MED27: variants seen among roughly 807,000 people sequenced by gnomAD.
MED27 encodes mediator of RNA polymerase II transcription subunit 27.
MED27 carries 30 observed loss-of-function variants against 38.2 expected under a neutral mutation model. That is an observed-to-expected ratio of 0.79 (90% CI 0.59 to 1.07). The LOEUF is 1.07. Ranked by LOEUF, MED27 falls within the 50% of genes least tolerant of loss-of-function variation. The pLI, the probability that MED27 is intolerant of heterozygous loss-of-function variation, is 0.00. For missense variants in MED27, 289 were observed against 397.5 expected (o/e 0.73, Z 2.32); for synonymous variants, 122 against 153.5 (o/e 0.79, Z 1.52).
chr9:131,904,619 A>T (rs1057165238), intron 4 of MED27, among the ~76,000 whole-genome samples: 4 of 151,918 alleles, frequency 2.6e-5, no homozygotes, highest in African/African-American at 9.7e-5. Flanking sequence ...TTGACCGCCC[A>T]AAGTGCTGGG....
intron 3 of MED27, among the ~76,000 whole-genome samples, chr9:131,963,177 TAC>T (rs879816883): frequency 6.6e-6 from 1 of 152,186 alleles, no homozygotes; most frequent in Non-Finnish European, 1.5e-5. Context: ...AGTTCATTTT[TAC>T]AGTGTTCAGG....
Position 132,055,644 on chromosome 9 carries a change from AAGAC to A in MED27, c.348+21794_348+21797del, listed in dbSNP as rs146616315. Among the ~76,000 whole-genome samples the A allele has an allele frequency of 2.8e-4, 43 of 152,352 alleles. No individual in the cohort carries two copies. In the East Asian group the frequency reaches 6.6e-3, roughly 23 times the overall value. On this transcript the variant is annotated intron_variant, in intron 2 of 7. Coordinates refer to ENST00000292035, the MANE Select transcript of MED27 (RefSeq NM_004269.4). The stretch of plus-strand genomic sequence containing the variant: ...CTCATAGCACTCATAAGCCACCTCT[AAGAC>A]AGAACATTAGGACAGGTAAAGCATC...
intron 3 of MED27, among the ~76,000 whole-genome samples, chr9:131,994,600 T>C (rs909128022): frequency 6.6e-6 from 1 of 152,236 alleles, no homozygotes; most frequent in Non-Finnish European, 1.5e-5. Context: ...TGGTATCAGA[T>C]GTGGCATCTT....
intron 6 of MED27, chr9:131,868,578 C>T: frequency 1.0e-6 from 1 of 984,812 alleles, no homozygotes; most frequent in Non-Finnish European, 1.2e-6. Context: ...GCCCGGCCCA[C>T]TATTCTGATT....
At chr9:132,013,974 G>C (rs1356517814) in intron 3 of MED27, among the ~76,000 whole-genome samples, 1 of 152,112 alleles carries the variant, frequency 6.6e-6, no homozygotes, top group Non-Finnish European at 1.5e-5. Context: ...GGGAGGCCGA[G>C]GCAGGTGGAT....
intron 3 of MED27, among the ~76,000 whole-genome samples, chr9:131,951,102 C>T (rs930895781): frequency 6.6e-6 from 1 of 152,176 alleles, no homozygotes; most frequent in South Asian, 2.1e-4. Flanking sequence ...CCTTCCTGGG[C>T]GAGGTGCCTC....
At chr9:132,006,634 C>A (rs990006801) in intron 3 of MED27, among the ~76,000 whole-genome samples, 1 of 151,818 alleles carries the variant, frequency 6.6e-6, no homozygotes, top group East Asian at 1.9e-4. Flanking sequence ...GAGTTTTATA[C>A]CTGTATGGCA....
At chr9:132,058,860 C>A (rs535688370) in intron 2 of MED27, among the ~76,000 whole-genome samples, 1 of 152,208 alleles carries the variant, frequency 6.6e-6, no homozygotes, top group Non-Finnish European at 1.5e-5. Flanking sequence ...ATGCATTTTA[C>A]GGTCACAGTG....
intron 2 of MED27, among the ~76,000 whole-genome samples, chr9:132,016,205 C>G (rs143973963): frequency 6.6e-6 from 1 of 152,264 alleles, no homozygotes; most frequent in African/African-American, 2.4e-5. Context: ...GCAAAGACAA[C>G]AAAACCAATT....
intron 6 of MED27, among the ~76,000 whole-genome samples, chr9:131,873,692 G>A (rs1212983953): frequency 6.6e-6 from 1 of 152,182 alleles, no homozygotes; most frequent in Non-Finnish European, 1.5e-5. Flanking sequence ...TGAGACCAGA[G>A]GCAAGGCTGC....
chr9:131,964,177 C>G (rs1457135855), intron 3 of MED27, among the ~76,000 whole-genome samples: 1 of 151,692 alleles, frequency 6.6e-6, no homozygotes, highest in East Asian at 1.9e-4. Context: ...GTAGTTGCAC[C>G]TAGTTCAGAA....
At chr9:131,910,646 T>C (rs1404817199) in intron 4 of MED27, among the ~76,000 whole-genome samples, 1 of 152,228 alleles carries the variant, frequency 6.6e-6, no homozygotes, top group Non-Finnish European at 1.5e-5. Flanking sequence ...GCAGATGTCC[T>C]GCTATGCAGG....
chr9:131,928,602 G>C (rs1382652628), intron 4 of MED27, among the ~76,000 whole-genome samples: 1 of 152,188 alleles, frequency 6.6e-6, no homozygotes, highest in African/African-American at 2.4e-5. Flanking sequence ...ACTCAGTGCT[G>C]CCCTGACACA....
chr9:131,956,884 T>A (rs1831115806), intron 3 of MED27, among the ~76,000 whole-genome samples: 1 of 148,854 alleles, frequency 6.7e-6, no homozygotes, highest in African/African-American at 2.5e-5. Context: ...GGGCAAAAGA[T>A]CTGAACAGAT....
At chr9:131,945,766 C>A (rs1017144128) in intron 3 of MED27, among the ~76,000 whole-genome samples, 5 of 148,910 alleles carry the variant, frequency 3.4e-5, no homozygotes, top group African/African-American at 1.0e-4. Flanking sequence ...TCGAGATCAG[C>A]CTGGGCAACA....
intron 2 of MED27, among the ~76,000 whole-genome samples, chr9:132,015,170 A>G (rs951594128): frequency 1.3e-5 from 2 of 152,254 alleles, no homozygotes; most frequent in Non-Finnish European, 2.9e-5. Context: ...TACAAATATC[A>G]ATCATAAGAA....
chr9:131,956,605 A>G (rs1831107150), intron 3 of MED27, among the ~76,000 whole-genome samples: 1 of 144,798 alleles, frequency 6.9e-6, no homozygotes, highest in East Asian at 2.0e-4. Context: ...ACAGAGTGAG[A>G]CTCCGCCTCA....
chr9:131,923,209 G>C (rs1253174403), intron 4 of MED27, among the ~76,000 whole-genome samples: 1 of 152,148 alleles, frequency 6.6e-6, no homozygotes, highest in African/African-American at 2.4e-5. Flanking sequence ...ACAATCCATT[G>C]ATACTGATAC....
At chr9:131,971,251 GAC>G (rs1831468939) in intron 3 of MED27, among the ~76,000 whole-genome samples, 1 of 152,192 alleles carries the variant, frequency 6.6e-6, no homozygotes, top group Non-Finnish European at 1.5e-5. Flanking sequence ...AAGGACACCT[GAC>G]ACACTGTGAA....
Sources: gnomAD v4.1 joint callset for allele counts (sites outside exome capture counted in the v4.1 genomes callset) on GRCh38, gnomAD v4.1.1 for gene constraint, MANE v1.5 for transcripts, NCBI Gene and HGNC (gene_info 2026-07-23, HGNC 2026-07-21) for gene names.